Variants in MAML3 observed in about 807,000 individuals in gnomAD.
MAML3 encodes mastermind like transcriptional coactivator 3, also known as mastermind-like protein 3.
Under a neutral mutation model 101.9 loss-of-function variants are expected in MAML3, and 27 were observed. The ratio of observed to expected loss-of-function variants is 0.27; its 90% CI spans 0.20 to 0.37. MAML3 has a LOEUF of 0.37. Among genes scored for constraint, MAML3 ranks in the 10% least tolerant of loss-of-function variants. The pLI is 1.00. For synonymous variants in MAML3, 501 were observed against 555.9 expected (o/e 0.90, Z 1.39); for missense variants, 1,316 against 1,444.9 (o/e 0.91, Z 1.45).
chr4:139,989,613 C>T (rs1418953606), intron 1 of MAML3, among the ~76,000 whole-genome samples: 4 of 152,056 alleles, frequency 2.6e-5, no homozygotes, highest in Non-Finnish European at 5.9e-5. Context: ...CTGCCTGCTT[C>T]CTATCCCACA....
chr4:140,030,722 C>T (rs1209125861), intron 1 of MAML3, among the ~76,000 whole-genome samples: 4 of 152,188 alleles, frequency 2.6e-5, no homozygotes, highest in Non-Finnish European at 5.9e-5. Flanking sequence ...CAAGCACACA[C>T]TTCCAAATGC....
chr4:139,769,916 C>CTTTTTTTTTTTTTTTT (rs139445743), intron 2 of MAML3, among the ~76,000 whole-genome samples: 48 of 132,268 alleles, frequency 3.6e-4, no homozygotes, highest in African/African-American at 1.3e-3. Flanking sequence ...CGCCCAGCCT[C>CTTTTTTTTTTTTTTTT]TTTTTTTTTT....
intron 1 of MAML3, among the ~76,000 whole-genome samples, chr4:140,124,524 C>T (rs1300889273): frequency 2.0e-5 from 3 of 152,146 alleles, no homozygotes; most frequent in Non-Finnish European, 4.4e-5. Flanking sequence ...GAAGTGTTCT[C>T]TTAAGCGTCT....
intron 2 of MAML3, among the ~76,000 whole-genome samples, chr4:139,786,498 T>G (rs556393194): frequency 1.3e-5 from 2 of 152,350 alleles, no homozygotes; most frequent in Admixed American, 1.3e-4. Flanking sequence ...TGTTTTCTGT[T>G]GGCTAAATAC....
intron 1 of MAML3, among the ~76,000 whole-genome samples, chr4:140,058,649 A>G (rs1727394246): frequency 6.6e-6 from 1 of 151,712 alleles, no homozygotes; most frequent in Non-Finnish European, 1.5e-5. Flanking sequence ...TCATGTTCTC[A>G]TGTTTTAACA....
Position 139,725,741 on chromosome 4 carries a change from C to G in MAML3, c.2416+10G>C. 1 of 1,613,686 alleles carries G rather than the reference C, an allele frequency of 6.2e-7. No individual in the cohort carries two copies. Among genetic ancestry groups the G allele is most frequent in the Non-Finnish European group, 8.5e-7 (1 of 1,179,604 alleles). On this transcript the variant is annotated intron_variant, in intron 4 of 4. Coordinates refer to ENST00000509479, the MANE Select transcript of MAML3 (RefSeq NM_018717.5). Reference sequence around the variant, plus strand: ...AAGGTATAAAATGAGAGAGGTTGCACTGGCCTCACCTTGAAACTGATTGAC... The same window carrying G: ...AAGGTATAAAATGAGAGAGGTTGCAGTGGCCTCACCTTGAAACTGATTGAC...
intron 2 of MAML3, among the ~76,000 whole-genome samples, chr4:139,886,303 G>C (rs1732337743): frequency 6.6e-6 from 1 of 152,076 alleles, no homozygotes; most frequent in South Asian, 2.1e-4. Flanking sequence ...TTAACGAAGG[G>C]TAAACTTTTT....
At chr4:139,926,781 A>C (rs571542260) in intron 1 of MAML3, among the ~76,000 whole-genome samples, 1 of 152,354 alleles carries the variant, frequency 6.6e-6, no homozygotes, top group African/African-American at 2.4e-5. Context: ...TGCTTACATA[A>C]CCATAGCATA....
intron 2 of MAML3, among the ~76,000 whole-genome samples, chr4:139,852,341 A>G (rs1264810264): frequency 6.6e-6 from 1 of 151,466 alleles, no homozygotes; most frequent in East Asian, 1.9e-4. Context: ...GGTCCAAAGA[A>G]GTGTGAAACC....
intron 2 of MAML3, among the ~76,000 whole-genome samples, chr4:139,830,881 A>T (rs1309902711): frequency 6.6e-6 from 1 of 152,152 alleles, no homozygotes; most frequent in Non-Finnish European, 1.5e-5. Context: ...AATCATTCAG[A>T]CATAGTTATA....
chr4:139,952,390 A>G (rs1433364196), intron 1 of MAML3, among the ~76,000 whole-genome samples: 1 of 152,118 alleles, frequency 6.6e-6, no homozygotes, highest in East Asian at 1.9e-4. Context: ...ACCTGGGGTT[A>G]CACATGAGCA....
chr4:140,121,406 G>C (rs1455132487), intron 1 of MAML3, among the ~76,000 whole-genome samples: 1 of 152,146 alleles, frequency 6.6e-6, no homozygotes, highest in Non-Finnish European at 1.5e-5. Context: ...CAAGTTCCAA[G>C]GTTCTTCTAC....
At chr4:139,976,882 G>A (rs1322252858) in intron 1 of MAML3, among the ~76,000 whole-genome samples, 1 of 152,094 alleles carries the variant, frequency 6.6e-6, no homozygotes, top group Non-Finnish European at 1.5e-5. Flanking sequence ...TTTCACGACT[G>A]TGGGGAGAAG....
chr4:140,142,908 G>A (rs904187700), intron 1 of MAML3, among the ~76,000 whole-genome samples: 1 of 152,088 alleles, frequency 6.6e-6, no homozygotes. Context: ...CAAAAACAAG[G>A]GGGGAAAGAA....
chr4:139,909,268 A>G (rs1479173044), intron 1 of MAML3, among the ~76,000 whole-genome samples: 1 of 152,228 alleles, frequency 6.6e-6, no homozygotes, highest in Non-Finnish European at 1.5e-5. Context: ...GTTGGCCACC[A>G]TGAGGAAAAG....
intron 1 of MAML3, among the ~76,000 whole-genome samples, chr4:140,062,127 A>C (rs1332666370): frequency 6.6e-6 from 1 of 152,200 alleles, no homozygotes; most frequent in Non-Finnish European, 1.5e-5. Context: ...TGTGGACAGC[A>C]ATCTCTCTTC....
intron 1 of MAML3, among the ~76,000 whole-genome samples, chr4:140,066,426 T>A (rs1296104409): frequency 6.6e-6 from 1 of 152,224 alleles, no homozygotes; most frequent in East Asian, 1.9e-4. Context: ...TCGCTCTACT[T>A]GCTGTTCTTG....
At chr4:139,763,417 A>C (rs1056700718) in intron 2 of MAML3, among the ~76,000 whole-genome samples, 2 of 152,184 alleles carry the variant, frequency 1.3e-5, no homozygotes, top group African/African-American at 4.8e-5. Flanking sequence ...TTAAGCAACG[A>C]GAAGTACGGA....
chr4:139,961,890 G>T (rs1054387647), intron 1 of MAML3, among the ~76,000 whole-genome samples: 2 of 152,242 alleles, frequency 1.3e-5, no homozygotes, highest in East Asian at 3.9e-4. Context: ...GAGGCAGGTG[G>T]ATCACTTGGG....
Sources: allele counts gnomAD v4.1 joint callset (sites outside exome capture counted in the v4.1 genomes callset), GRCh38; gene constraint gnomAD v4.1.1; transcripts MANE v1.5; gene names NCBI Gene and HGNC (gene_info 2026-07-23, HGNC 2026-07-21).